Variants in PRRC2B observed in about 807,000 individuals in gnomAD.
PRRC2B encodes proline rich coiled-coil 2B.
A neutral mutation model predicts 242.3 loss-of-function variants in PRRC2B; 68 were observed. The observed-to-expected ratio is 0.28, with a 90% CI of 0.23 to 0.34. The LOEUF (loss-of-function observed/expected upper bound fraction) is 0.34. Ranked by LOEUF, PRRC2B falls within the 10% of genes least tolerant of loss-of-function variation. PRRC2B has a pLI of 1.00. For missense variants in PRRC2B, 2,835 were observed against 2,954.8 expected (o/e 0.96, Z 0.94); for synonymous variants, 1,228 against 1,173.6 (o/e 1.05, Z -0.95).
intron 1 of PRRC2B, among the ~76,000 whole-genome samples, chr9:131,378,328 A>AG (rs1166611054): frequency 1.3e-5 from 2 of 151,674 alleles, no homozygotes; most frequent in African/African-American, 4.8e-5. Flanking sequence ...AAAAAAAAAA[A>AG]AAGTCCTGGC....
At chr9:131,375,230 G>A (rs1321995428) in intron 1 of PRRC2B, among the ~76,000 whole-genome samples, 1 of 151,988 alleles carries the variant, frequency 6.6e-6, no homozygotes, top group Admixed American at 6.6e-5. Flanking sequence ...GTGAAACCCC[G>A]TCTCTACTAA....
Position 131,485,058 on chromosome 9 carries a change from C to T in PRRC2B, c.5676C>T (p.Ser1892=), listed in dbSNP as rs763385949. 9.3e-6 allele frequency: 15 copies of T among 1,609,398 alleles called. No individual in the cohort carries two copies. The highest frequency in any genetic ancestry group is 4.5e-5 in the East Asian group (2 of 44,680). Reference sequence around the variant, plus strand: ...CTCCATCCTCTGTGGGTGCCTCCAGCGGGGTCAACTACAGCTCCTTCGGTG... The same window carrying T: ...CTCCATCCTCTGTGGGTGCCTCCAGTGGGGTCAACTACAGCTCCTTCGGTG... ...IQPPSSVGAS[S]GVNYSSFGGV... The change falls in exon 25 of 32, where the codon AGC becomes AGT. Residue 1892 remains serine (S), a synonymous_variant. Coordinates refer to ENST00000683519, the MANE Select transcript of PRRC2B (RefSeq NM_013318.4).
intron 11 of PRRC2B, among the ~76,000 whole-genome samples, chr9:131,464,504 A>C (rs1943336564): frequency 1.3e-5 from 2 of 152,136 alleles, no homozygotes; most frequent in Non-Finnish European, 2.9e-5. Context: ...CACCTTCACA[A>C]TCCTAAGAGC....
At chr9:131,465,119 C>A (rs776724022) in intron 12 of PRRC2B, 41 bp downstream of exon 12, 1 of 1,555,628 alleles carries the variant, frequency 6.4e-7, no homozygotes, top group Non-Finnish European at 8.7e-7. Flanking sequence ...GAAACCCTGG[C>A]CTGTTGTCCT....
At chr9:131,398,520 T>C (rs1398056094) in intron 1 of PRRC2B, among the ~76,000 whole-genome samples, 11 of 152,210 alleles carry the variant, frequency 7.2e-5, no homozygotes, top group Non-Finnish European at 1.6e-4. Context: ...GCCAGTTGTG[T>C]GGCTTCCGTC....
At chr9:131,442,057 GAAGA>G (rs1838603462) in intron 5 of PRRC2B, among the ~76,000 whole-genome samples, 1 of 152,204 alleles carries the variant, frequency 6.6e-6, no homozygotes, top group Middle Eastern at 3.4e-3. Context: ...TCTCGAAGCA[GAAGA>G]AAGAGATGGA....
intron 14 of PRRC2B, among the ~76,000 whole-genome samples, chr9:131,471,847 A>C (rs1180677910): frequency 6.6e-6 from 1 of 152,202 alleles, no homozygotes; most frequent in Admixed American, 6.5e-5. Flanking sequence ...GAGATAGTCC[A>C]TTAAGTTGAG....
intron 1 of PRRC2B, among the ~76,000 whole-genome samples, chr9:131,419,303 TC>T (rs1837736176): frequency 6.6e-6 from 1 of 152,326 alleles, no homozygotes; most frequent in East Asian, 1.9e-4. Context: ...CACTAGCAGA[TC>T]CTAAACACCT....
chr9:131,459,423 A>G, intron 11 of PRRC2B, 67 bp downstream of exon 11: 2 of 1,291,906 alleles, frequency 1.5e-6, no homozygotes, highest in Non-Finnish European at 2.2e-6. Flanking sequence ...GGTTTCTGAG[A>G]AGTCCTAAGT....
intron 19 of PRRC2B, 143 bp from the exon 20 acceptor site, chr9:131,481,583 G>A (rs927406886): frequency 7.5e-6 from 5 of 670,050 alleles, no homozygotes; most frequent in Non-Finnish European, 1.1e-5. Context: ...GGTGTCACGG[G>A]TAGGGGGCTG....
At chr9:131,409,427 G>T (rs1298060311) in intron 1 of PRRC2B, among the ~76,000 whole-genome samples, 2 of 151,816 alleles carry the variant, frequency 1.3e-5, no homozygotes, top group Non-Finnish European at 2.9e-5. Context: ...CAGGTGATCT[G>T]CCCATCTCGG....
intron 1 of PRRC2B, among the ~76,000 whole-genome samples, chr9:131,380,795 T>C (rs543702015): frequency 1.1e-4 from 16 of 147,046 alleles, no homozygotes; most frequent in African/African-American, 4.0e-4. Flanking sequence ...GGAGAACCGC[T>C]TGAACCTAGG....
chr9:131,405,292 A>T lies in PRRC2B; in HGVS notation c.-52+11029A>T, dbSNP rs576461316. Among the ~76,000 whole-genome samples, 3 of 152,278 alleles carry T rather than the reference A, an allele frequency of 2.0e-5. No homozygotes were observed. The South Asian group carries it at 6.2e-4, about 32-fold the overall frequency. ...GAGGCGATAGACACAGCCAGGTCTA[A>T]GGTTGATTTTCTGTATCAAGTAAAA... On this transcript the variant is annotated intron_variant, in intron 1 of 31. Coordinates refer to ENST00000683519, the MANE Select transcript of PRRC2B (RefSeq NM_013318.4).
At position 131,474,501 on chromosome 9, in the gene PRRC2B, G is replaced by A. The variant is rs751995272; in HGVS notation, c.2372G>A (p.Ser791Asn). 5 of 1,614,012 alleles carry A rather than the reference G, an allele frequency of 3.1e-6. No individual in the cohort carries two copies. Among genetic ancestry groups the A allele is most frequent in the Non-Finnish European group, 2.5e-6 (3 of 1,179,894 alleles). The change falls in exon 16 of 32, where the codon AGT becomes AAT. Residue 791 changes from serine to asparagine, a missense_variant. Around this residue, in one of 7 missense-constraint regions of PRRC2B, gnomAD observed 1,536 missense variants for 1,483.1 expected, o/e 1.04. Coordinates refer to ENST00000683519, the MANE Select transcript of PRRC2B (RefSeq NM_013318.4). ...SASLGRAGGV[S>N]AQRDLFEERG... Reference sequence around the variant, plus strand: ...TCACTCGGAAGGGCAGGGGGCGTAAGTGCTCAGCGCGATCTCTTTGAGGAG... The same window carrying A: ...TCACTCGGAAGGGCAGGGGGCGTAAATGCTCAGCGCGATCTCTTTGAGGAG...
intron 1 of PRRC2B, among the ~76,000 whole-genome samples, chr9:131,407,125 C>T (rs989781610): frequency 6.6e-6 from 1 of 152,112 alleles, no homozygotes; most frequent in African/African-American, 2.4e-5. Context: ...CTGGATGAAT[C>T]ATAATGTTGT....
At chr9:131,457,863 T>TTG (rs1564289961) in intron 10 of PRRC2B, among the ~76,000 whole-genome samples, 2 of 152,090 alleles carry the variant, frequency 1.3e-5, no homozygotes, top group Non-Finnish European at 2.9e-5. Flanking sequence ...CTCTGTAATT[T>TTG]TCCCCTCTGT....
At chr9:131,477,257 C>T (rs1180465914) in intron 16 of PRRC2B, among the ~76,000 whole-genome samples, 2 of 152,184 alleles carry the variant, frequency 1.3e-5, no homozygotes, top group Non-Finnish European at 2.9e-5. Context: ...TTCACACCTC[C>T]ACTCTCCTTA....
upstream of PRRC2B, among the ~76,000 whole-genome samples, chr9:131,389,805 G>A (rs1836873995): frequency 6.7e-6 from 1 of 149,686 alleles, no homozygotes; most frequent in Non-Finnish European, 1.5e-5. Flanking sequence ...CAGCTGGAGA[G>A]ACACCACAGT....
At chr9:131,429,880 G>A (rs774617979) in intron 1 of PRRC2B, among the ~76,000 whole-genome samples, 6 of 152,074 alleles carry the variant, frequency 3.9e-5, no homozygotes, top group African/African-American at 1.4e-4. Flanking sequence ...AGATCGCCTC[G>A]GGGTGTCTAC....
Sources: gnomAD v4.1 joint callset for allele counts (sites outside exome capture counted in the v4.1 genomes callset) on GRCh38, gnomAD v4.1.1 for gene constraint, gnomAD v4.1.1 regional missense constraint, MANE v1.5 for transcripts, NCBI Gene and HGNC (gene_info 2026-07-23, HGNC 2026-07-21) for gene names.